Variants in ZSWIM2 observed in about 807,000 individuals in gnomAD.
The protein encoded by ZSWIM2 is zinc finger SWIM-type containing 2.
In ZSWIM2, 38 loss-of-function variants were observed where a neutral mutation model predicts 48.4. The observed-to-expected ratio is 0.79, with a 90% CI of 0.61 to 1.03. The LOEUF (loss-of-function observed/expected upper bound fraction) is 1.03, where lower values mean the gene tolerates loss of function less well. Among genes scored for constraint, ZSWIM2 ranks in the 50% least tolerant of loss-of-function variants. The pLI is 0.00. For synonymous variants in ZSWIM2, 240 were observed against 251.3 expected, an observed-to-expected ratio of 0.96 and a Z score of 0.42; for missense variants, 776 against 730.2, an observed-to-expected ratio of 1.06 and a Z score of -0.72.
In ZSWIM2 at chr2:186,833,127, T is replaced by A. The variant is rs1418640153; in HGVS notation, c.934A>T (p.Lys312Ter). ...ATTTACTGGGAACCTCACCCTTGCT[T>A]TTCTTGAAAATGTGACATCTTTTCT... Reference protein sequence around the residue: ...IEEKMSHFQEKQGQVYTPKHI... With the variant: ...IEEKMSHFQE Residue 312 changes from lysine to a stop codon, truncating the protein, a stop_gained, in exon 7 of 9, where the codon AAG becomes TAG. Transcript: ENST00000295131. LOFTEE classifies it high-confidence loss of function. 6.8e-7 allele frequency: 1 copy of A among 1,472,426 alleles called. No homozygotes were observed. Among genetic ancestry groups the A allele is most frequent in the Non-Finnish European group, 9.1e-7 (1 of 1,096,502 alleles). The allele number at this position is 1,472,426 out of a possible 1,614,324, so 91.2% of individuals were successfully genotyped here. A position where few individuals can be genotyped will look rare whatever the true frequency, so the allele number is the denominator to read the frequency against.
chr2:186,827,531 CTCCTTT>C lies in ZSWIM2; in HGVS notation c.*447_*452del, dbSNP rs1559110223. ...TATTTTCATTTTATGTATAAGAAAA[CTCCTTT>C]ATGGAGTTTTTTAAGGTTTTTTTTT... On this transcript the variant is annotated 3_prime_UTR_variant, in exon 9 of 9. Coordinates refer to ENST00000295131, the MANE Select transcript of ZSWIM2 (RefSeq NM_182521.3). Among the ~76,000 whole-genome samples the C allele has an allele frequency of 7.4e-5, 11 of 149,640 alleles. No homozygotes were observed. The highest frequency in any genetic ancestry group is 2.4e-4 in the African/African-American group (10 of 41,068).
intron 2 of ZSWIM2, among the ~76,000 whole-genome samples, chr2:186,845,735 A>G (rs1691986141): frequency 6.6e-6 from 1 of 151,530 alleles, no homozygotes; most frequent in South Asian, 2.1e-4. Flanking sequence ...AGCTTAAGGA[A>G]CTTTTTTTTC....
intron 3 of ZSWIM2, among the ~76,000 whole-genome samples, chr2:186,842,511 A>T (rs1229549393): frequency 6.6e-6 from 1 of 151,450 alleles, no homozygotes; most frequent in African/African-American, 2.4e-5. Context: ...GTCTTCGATA[A>T]GTGCAAAGAA....
rs1388154833 is a variant in ZSWIM2 at position 186,846,806 on chromosome 2, C to CATATATATATATATATATATAT, written c.242+912_242+913insATATATATATATATATATATAT. 3.9e-3 allele frequency among the ~76,000 whole-genome samples: 167 copies of CATATATATATATATATATATAT among 43,230 alleles called. 1 individual carries two copies. Among genetic ancestry groups the CATATATATATATATATATATAT allele is most frequent in the African/African-American group, 0.014 (159 of 11,168 alleles). 28.4% of individuals were successfully genotyped at this position (43,230 alleles called of 152,430 possible). Reference sequence around the variant, plus strand: ...ATAAACATATATATATACACACACACACACATATATATATATATATAATGT... The same window carrying CATATATATATATATATATATAT: ...ATAAACATATATATATACACACACACATATATATATATATATATATATACACATATATATATATATATAATGT... On this transcript the variant is annotated intron_variant, in intron 2 of 8. Transcript: ENST00000295131.
chr2:186,832,812 C>T (rs1416872845), intron 7 of ZSWIM2, among the ~76,000 whole-genome samples: 1 of 151,974 alleles, frequency 6.6e-6, no homozygotes. Flanking sequence ...TCATTTCATA[C>T]TCACAAAATT....
intron 3 of ZSWIM2, among the ~76,000 whole-genome samples, chr2:186,839,730 G>C (rs1055700430): frequency 1.3e-5 from 2 of 151,484 alleles, no homozygotes; most frequent in Non-Finnish European, 3.0e-5. Flanking sequence ...TGTTTCTCAG[G>C]ACAATCTATT....
rs191237129 is a variant in ZSWIM2 at position 186,832,388 on chromosome 2, C to T, written c.941+732G>A. 1.4e-3 allele frequency among the ~76,000 whole-genome samples: 210 copies of T among 152,160 alleles called. 1 individual carries two copies. The highest frequency in any genetic ancestry group is 4.8e-3 in the African/African-American group (201 of 41,534). On this transcript the variant is annotated intron_variant, in intron 7 of 8. Transcript: ENST00000295131. ...CCACCTGCCTTGGTCTCCCAAAGTG[C>T]TAGGATTACAGGCGTGAGCCACAGC...
Position 186,837,308 on chromosome 2 carries a change from A to C in ZSWIM2, c.741T>G (p.Tyr247Ter). The C allele has an allele frequency of 6.2e-7, 1 of 1,612,470 alleles. No homozygotes were observed. The change falls in exon 5 of 9, where the codon TAT becomes TAG. Residue 247 changes from tyrosine (Y) to a stop codon, truncating the protein, a stop_gained and splice_region_variant. Coordinates refer to ENST00000295131, the MANE Select transcript of ZSWIM2 (RefSeq NM_182521.3). LOFTEE classifies it high-confidence loss of function. ...TATAATTTACGGATAACACTTACTT[A>C]TAACACTTCCCCTCAATTGGAAACT... ...CKQFPIEGKCYKCTECIEYHL... is the reference protein window; with the variant it reads ...CKQFPIEGKC
intron 3 of ZSWIM2, among the ~76,000 whole-genome samples, chr2:186,840,190 T>C (rs1479579488): frequency 6.6e-6 from 1 of 151,562 alleles, no homozygotes; most frequent in Non-Finnish European, 1.5e-5. Context: ...GAAGAAGGGC[T>C]ATTTGTCACA....
Position 186,833,931 on chromosome 2 carries a change from A to G in ZSWIM2, c.828+15T>C, listed in dbSNP as rs761098746. On this transcript the variant is annotated intron_variant, in intron 6 of 8. Coordinates refer to ENST00000295131, the MANE Select transcript of ZSWIM2 (RefSeq NM_182521.3). ...AAATAGAAACACTGTATTAGATTCA[A>G]GATGGATACTGTACCTCACGAAATG... 2.5e-6 allele frequency: 4 copies of G among 1,601,134 alleles called. No homozygotes were observed. The highest frequency in any genetic ancestry group is 3.4e-6 in the Non-Finnish European group (4 of 1,169,176).
chr2:186,829,181 A>G (rs1691655083), intron 8 of ZSWIM2, among the ~76,000 whole-genome samples: 1 of 152,142 alleles, frequency 6.6e-6, no homozygotes, highest in African/African-American at 2.4e-5. Flanking sequence ...AAAATAAAAC[A>G]ATTAGCCATT....
At chr2:186,833,028 A>G (rs1328452343) in intron 7 of ZSWIM2, 92 bp downstream of exon 7, 7 of 556,300 alleles carry the variant, frequency 1.3e-5, no homozygotes, top group Non-Finnish European at 1.8e-5. Context: ...TAATTAAATA[A>G]TAAATAAAAG....
intron 7 of ZSWIM2, among the ~76,000 whole-genome samples, chr2:186,832,418 G>A (rs6757716): frequency 0.23 from 34,641 of 151,856 alleles, 4,504 homozygotes; most frequent in South Asian, 0.3. Context: ...CACAGCGCCC[G>A]GCCTAAATTT....
chr2:186,834,413 G>C (rs1025148829), intron 5 of ZSWIM2, among the ~76,000 whole-genome samples: 1 of 152,072 alleles, frequency 6.6e-6, no homozygotes. Flanking sequence ...TTCAGAACCG[G>C]GACATACAGC....
chr2:186,847,572 A>G, intron 2 of ZSWIM2, 147 bp downstream of exon 2: 1 of 436,720 alleles, frequency 2.3e-6, no homozygotes, highest in South Asian at 8.4e-5. Flanking sequence ...TGAAAAATTT[A>G]TTGGTAAGCT....
At chr2:186,845,219 A>T (rs1008030274) in intron 2 of ZSWIM2, among the ~76,000 whole-genome samples, 3 of 151,412 alleles carry the variant, frequency 2.0e-5, no homozygotes, top group Non-Finnish European at 4.4e-5. Flanking sequence ...GCGACTTTTT[A>T]AAAAATGTGG....
In ZSWIM2 at chr2:186,833,148, T is replaced by A. The variant is rs778003410; in HGVS notation, c.913A>T (p.Lys305Ter). 6.6e-7 allele frequency: 1 copy of A among 1,507,220 alleles called. No homozygotes were observed. The highest frequency in any genetic ancestry group is 8.9e-7 in the Non-Finnish European group (1 of 1,125,440). The allele number at this position is 1,507,220 out of a possible 1,614,324, so 93.4% of individuals were successfully genotyped here. A position where few individuals can be genotyped will look rare whatever the true frequency, so the allele number is the denominator to read the frequency against. The change falls in exon 7 of 9, where the codon AAG becomes TAG. Residue 305 changes from lysine to a stop codon, truncating the protein, a stop_gained. Transcript: ENST00000295131. LOFTEE classifies it high-confidence loss of function. The stretch of plus-strand genomic sequence containing the variant: ...TGCTTTTCTTGAAAATGTGACATCT[T>A]TTCTTCAATCTCATTTTTAGTATCT... ...YIDTKNEIEE[K>*]MSHFQEKQGQ...
At chr2:186,841,469 C>A (rs1424380288) in intron 3 of ZSWIM2, among the ~76,000 whole-genome samples, 1 of 151,234 alleles carries the variant, frequency 6.6e-6, no homozygotes, top group Non-Finnish European at 1.5e-5. Flanking sequence ...CAAAAGTATT[C>A]TGAAAACATA....
At position 186,829,816 on chromosome 2, in the gene ZSWIM2, T is replaced by C; in HGVS notation, c.1006A>G (p.Lys336Glu). The C allele has an allele frequency of 6.2e-7, 1 of 1,613,756 alleles. No individual in the cohort carries two copies. Among genetic ancestry groups the C allele is most frequent in the Non-Finnish European group, 8.5e-7 (1 of 1,179,786 alleles). Reference sequence around the variant, plus strand: ...CACTGGTAGCCTGGAGCAAGCAGCTTACTATTCTTAGTAATCAGTTGGAGA... The same window carrying C: ...CACTGGTAGCCTGGAGCAAGCAGCTCACTATTCTTAGTAATCAGTTGGAGA... ...LPLQLITKNS[K>E]LLAPGYQCLL... Residue 336 changes from lysine to glutamate, a missense_variant, in exon 8 of 9, where the codon AAG (lysine) becomes GAG (glutamate). Coordinates refer to ENST00000295131, the MANE Select transcript of ZSWIM2 (RefSeq NM_182521.3).
Sources: gnomAD v4.1 joint callset for allele counts (sites outside exome capture counted in the v4.1 genomes callset) on GRCh38, gnomAD v4.1.1 for gene constraint, MANE v1.5 for transcripts, NCBI Gene and HGNC (gene_info 2026-07-23, HGNC 2026-07-21) for gene names.